MAGI2: variants seen among roughly 807,000 people sequenced by gnomAD.
The protein encoded by MAGI2 is membrane associated guanylate kinase, WW and PDZ domain containing 2, also known as membrane-associated guanylate kinase, WW and PDZ domain-containing protein 2.
MAGI2 carries 35 observed loss-of-function variants against 133.3 expected under a neutral mutation model. That is an observed-to-expected ratio of 0.26 (90% CI 0.20 to 0.35). The LOEUF (loss-of-function observed/expected upper bound fraction) is 0.35. MAGI2 is among the 10% of genes least tolerant of loss of function. The pLI, the probability that MAGI2 is intolerant of heterozygous loss-of-function variation, is 1.00. For synonymous variants in MAGI2, 729 were observed against 710.6 expected (o/e 1.03, Z -0.41); for missense variants, 1,636 against 1,863.4 (o/e 0.88, Z 2.25).
rs987917554 is a variant in MAGI2, at chr7:78,091,118, C to T, written c.3568-12033G>A. ...GTGAATGAATAAGAGACAGAATGAT[C>T]GATTGAATGATTTGGGGGTAAATTA... is the stretch of plus-strand genomic sequence containing the variant. On this transcript the variant is annotated intron_variant, in intron 20 of 21. Coordinates refer to ENST00000354212, the MANE Select transcript of MAGI2 (RefSeq NM_012301.4). 9.9e-5 allele frequency among the ~76,000 whole-genome samples: 15 copies of T among 151,422 alleles called. 1 individual carries two copies. Among genetic ancestry groups the T allele is most frequent in the South Asian group, 8.4e-4 (4 of 4,778 alleles).
chr7:78,842,203 A>G (rs548852606), intron 2 of MAGI2, among the ~76,000 whole-genome samples: 34 of 152,120 alleles, frequency 2.2e-4, no homozygotes, highest in African/African-American at 7.5e-4. Context: ...TTCAGTTACT[A>G]TGAAAGAGAA....
intron 1 of MAGI2, among the ~76,000 whole-genome samples, chr7:79,113,939 TA>T (rs1177340551): frequency 6.6e-6 from 1 of 152,140 alleles, no homozygotes; most frequent in African/African-American, 2.4e-5. Flanking sequence ...CATGGAACAG[TA>T]TATGTCTTTT....
At chr7:78,230,947 C>T (rs936841316) in intron 10 of MAGI2, among the ~76,000 whole-genome samples, 1 of 152,134 alleles carries the variant, frequency 6.6e-6, no homozygotes, top group Non-Finnish European at 1.5e-5. Context: ...TCTCAAGAGC[C>T]TTGGGGAGGA....
chr7:78,063,153 T>C (rs1327560137), intron 21 of MAGI2, among the ~76,000 whole-genome samples: 1 of 152,190 alleles, frequency 6.6e-6, no homozygotes, highest in Admixed American at 6.5e-5. Flanking sequence ...TACAGATGTT[T>C]TTACCCTCCC....
intron 1 of MAGI2, among the ~76,000 whole-genome samples, chr7:79,193,521 A>T (rs1827838259): frequency 6.6e-6 from 1 of 152,022 alleles, no homozygotes; most frequent in African/African-American, 2.4e-5. Context: ...TCTACATACA[A>T]GTTAAATACT....
intron 7 of MAGI2, 32 bp downstream of exon 7, chr7:78,369,124 A>G: frequency 6.8e-7 from 1 of 1,462,262 alleles, no homozygotes; most frequent in Non-Finnish European, 9.4e-7. Flanking sequence ...CAACATATTA[A>G]TAACAAGTTA....
At chr7:78,508,207 GATC>G (rs1454459106) in intron 4 of MAGI2, among the ~76,000 whole-genome samples, 1 of 151,260 alleles carries the variant, frequency 6.6e-6, no homozygotes, top group African/African-American at 2.4e-5. Context: ...TATCTGCAAT[GATC>G]ATATTTCCCA....
Position 79,027,835 on chromosome 7 carries a change from G to A in MAGI2, c.302-20629C>T, listed in dbSNP as rs187098026. On this transcript the variant is annotated intron_variant, in intron 1 of 21. Coordinates refer to ENST00000354212, the MANE Select transcript of MAGI2 (RefSeq NM_012301.4). The stretch of plus-strand genomic sequence containing the variant: ...TATAGAATAATTTAAAAAAAATCAT[G>A]TGACTACCCAAGAATAATTTTCAAA... Among the ~76,000 whole-genome samples the A allele has an allele frequency of 1.7e-3, 255 of 152,170 alleles. 2 individuals carry two copies. The highest frequency in any genetic ancestry group is 5.9e-3 in the African/African-American group (246 of 41,528).
intron 2 of MAGI2, among the ~76,000 whole-genome samples, chr7:78,972,196 C>T (rs1803848725): frequency 6.6e-6 from 1 of 151,762 alleles, no homozygotes; most frequent in South Asian, 2.1e-4. Context: ...GTAAAACATA[C>T]CTGATCACTG....
At chr7:79,411,820 T>C (rs943799352) in intron 1 of MAGI2, 1 of 151,898 alleles carries the variant, frequency 6.6e-6, no homozygotes, top group African/African-American at 2.4e-5. Context: ...CAACTGAAAA[T>C]ACATAAATGG....
chr7:79,200,944 C>T (rs554080410), intron 1 of MAGI2, among the ~76,000 whole-genome samples: 1 of 152,082 alleles, frequency 6.6e-6, no homozygotes, highest in Admixed American at 6.5e-5. Context: ...TTCCTTTGCT[C>T]AAGAGTAACA....
intron 3 of MAGI2, among the ~76,000 whole-genome samples, chr7:78,560,081 C>A (rs1478147134): frequency 6.6e-6 from 1 of 152,094 alleles, no homozygotes; most frequent in Admixed American, 6.5e-5. Flanking sequence ...TCCATGCCCA[C>A]ACAAAGCAGG....
chr7:79,167,447 T>C (rs1585097909), intron 1 of MAGI2, among the ~76,000 whole-genome samples: 1 of 131,960 alleles, frequency 7.6e-6, no homozygotes, highest in East Asian at 2.2e-4. Context: ...AATAAAAAAG[T>C]AAAATACTTC....
intron 2 of MAGI2, among the ~76,000 whole-genome samples, chr7:78,718,720 A>T (rs1165936100): frequency 6.6e-6 from 1 of 152,042 alleles, no homozygotes; most frequent in Admixed American, 6.6e-5. Flanking sequence ...TAATAGAAAT[A>T]AAGTACCCAA....
In MAGI2 at chr7:78,089,491, C is replaced by T. The variant is rs954620264; in HGVS notation, c.3568-10406G>A. On this transcript the variant is annotated intron_variant, in intron 20 of 21. Coordinates refer to ENST00000354212, the MANE Select transcript of MAGI2 (RefSeq NM_012301.4). ...CAGACGAAGGCTTTAAGCAATAATTCAAGAACAAGACAAAAATCAAATGGC... is the reference window on the plus strand; with the variant it reads ...CAGACGAAGGCTTTAAGCAATAATTTAAGAACAAGACAAAAATCAAATGGC... 2.0e-5 allele frequency among the ~76,000 whole-genome samples: 3 copies of T among 152,320 alleles called. No homozygotes were observed. In the East Asian group the frequency reaches 5.8e-4, roughly 29 times the overall value.
At chr7:79,031,578 A>G (rs1442873891) in intron 1 of MAGI2, among the ~76,000 whole-genome samples, 1 of 152,186 alleles carries the variant, frequency 6.6e-6, no homozygotes, top group East Asian at 1.9e-4. Context: ...ATTAGCAAGT[A>G]TTCTAAATTA....
chr7:78,299,245 TGAA>T (rs764639156), intron 9 of MAGI2, among the ~76,000 whole-genome samples: 4 of 152,240 alleles, frequency 2.6e-5, no homozygotes, highest in Admixed American at 6.5e-5. Context: ...GTTGCTAACT[TGAA>T]GAATGAGTCA....
At chr7:79,193,357 A>C (rs1309984313) in intron 1 of MAGI2, among the ~76,000 whole-genome samples, 2 of 152,028 alleles carry the variant, frequency 1.3e-5, no homozygotes, top group African/African-American at 4.8e-5. Flanking sequence ...AGTAAGATGA[A>C]GCTAAAGATT....
At chr7:78,462,997 C>T (rs976788353) in intron 6 of MAGI2, among the ~76,000 whole-genome samples, 1 of 152,174 alleles carries the variant, frequency 6.6e-6, no homozygotes, top group Non-Finnish European at 1.5e-5. Context: ...ACCAGAGATA[C>T]AGTCAATGGA....
Sources: allele counts gnomAD v4.1 joint callset (sites outside exome capture counted in the v4.1 genomes callset), GRCh38; gene constraint gnomAD v4.1.1; transcripts MANE v1.5; gene names NCBI Gene and HGNC (gene_info 2026-07-23, HGNC 2026-07-21).